DIP2B: variants seen among roughly 807,000 people sequenced by gnomAD.
DIP2B encodes the protein disco-interacting protein 2 homolog B.
In DIP2B, 76 loss-of-function variants were observed where a neutral mutation model predicts 198.0. The ratio of observed to expected loss-of-function variants is 0.38; its 90% CI spans 0.32 to 0.46. The LOEUF (loss-of-function observed/expected upper bound fraction) is 0.46. Among genes scored for constraint, DIP2B ranks in the 20% least tolerant of loss-of-function variants. The pLI, the probability that DIP2B is intolerant of heterozygous loss-of-function variation, is 0.99. For synonymous variants in DIP2B, 701 were observed against 739.1 expected (o/e 0.95, Z 0.84); for missense variants, 1,559 against 1,978.4 (o/e 0.79, Z 4.02).
At chr12:50,639,243 G>T (rs531505579) in intron 2 of DIP2B, among the ~76,000 whole-genome samples, 1 of 151,910 alleles carries the variant, frequency 6.6e-6, no homozygotes, top group Admixed American at 6.6e-5. Context: ...GCGTGAATTT[G>T]GGCAGGGCTA....
intron 1 of DIP2B, among the ~76,000 whole-genome samples, chr12:50,554,924 C>A (rs750080483): frequency 6.6e-6 from 1 of 152,048 alleles, no homozygotes; most frequent in African/African-American, 2.4e-5. Flanking sequence ...CGCGCCACCA[C>A]GCCTGCCTAA....
At chr12:50,552,644 A>G (rs1239719003) in intron 1 of DIP2B, among the ~76,000 whole-genome samples, 1 of 152,136 alleles carries the variant, frequency 6.6e-6, no homozygotes, top group African/African-American at 2.4e-5. Flanking sequence ...TGGATGCACA[A>G]AAATTCTTAA....
chr12:50,535,575 T>G (rs1958256829), intron 1 of DIP2B, among the ~76,000 whole-genome samples: 1 of 151,954 alleles, frequency 6.6e-6, no homozygotes, highest in Admixed American at 6.6e-5. Flanking sequence ...TTCACCATAT[T>G]GGCCAGGCTG....
In DIP2B at chr12:50,718,999, T is replaced by C; in HGVS notation, c.3006T>C (p.Thr1002=). 6.2e-7 allele frequency: 1 copy of C among 1,614,218 alleles called. No homozygotes were observed. The highest frequency in any genetic ancestry group is 8.5e-7 in the Non-Finnish European group (1 of 1,180,042). ...AEILQWRAQA[T]PDHVLFMLLN... is the part of the protein sequence containing the mutation. Reference sequence around the variant, plus strand: ...TCCTACAGTGGCGAGCCCAGGCGACTCCTGACCATGTACTCTTCATGCTGT... The same window carrying C: ...TCCTACAGTGGCGAGCCCAGGCGACCCCTGACCATGTACTCTTCATGCTGT... The change falls in exon 25 of 38, where the codon ACT becomes ACC. Residue 1002 remains threonine (T), a synonymous_variant. Coordinates refer to ENST00000301180, the MANE Select transcript of DIP2B (RefSeq NM_173602.3).
chr12:50,635,569 T>G (rs1938146148), intron 2 of DIP2B, among the ~76,000 whole-genome samples: 1 of 152,186 alleles, frequency 6.6e-6, no homozygotes, highest in Non-Finnish European at 1.5e-5. Flanking sequence ...GGCAGCTGCT[T>G]CGTGCTCCTT....
intron 1 of DIP2B, among the ~76,000 whole-genome samples, chr12:50,553,984 A>G (rs1309702492): frequency 1.3e-5 from 2 of 151,908 alleles, no homozygotes; most frequent in Non-Finnish European, 2.9e-5. Context: ...TTTTTACTGA[A>G]ATTTTATTTA....
intron 1 of DIP2B, among the ~76,000 whole-genome samples, chr12:50,507,458 A>C (rs1957977848): frequency 6.6e-6 from 1 of 152,210 alleles, no homozygotes; most frequent in Non-Finnish European, 1.5e-5. Context: ...TGCCTGTAGC[A>C]TATTTGGAGC....
At chr12:50,625,836 A>C in intron 1 of DIP2B, 140 bp from the exon 2 acceptor site, 1 of 805,806 alleles carries the variant, frequency 1.2e-6, no homozygotes, top group Non-Finnish European at 2.0e-6. Context: ...AATCCTTGGC[A>C]AAGAACCATA....
At chr12:50,585,588 G>C (rs1331896716) in intron 1 of DIP2B, among the ~76,000 whole-genome samples, 2 of 152,198 alleles carry the variant, frequency 1.3e-5, no homozygotes, top group Non-Finnish European at 2.9e-5. Context: ...TAGGTCAGTA[G>C]GTATGTGGCC....
At chr12:50,672,479 C>T (rs552215148) in intron 5 of DIP2B, among the ~76,000 whole-genome samples, 1 of 152,288 alleles carries the variant, frequency 6.6e-6, no homozygotes, top group East Asian at 1.9e-4. Flanking sequence ...CTAAAAGAGA[C>T]CAGTATTACT....
Position 50,505,001 on chromosome 12 carries a change from TGGCGGCGGC to T in DIP2B, c.-125_-117del, listed in dbSNP as rs574938327. The T allele has an allele frequency of 1.9e-4, 125 of 651,324 alleles. 6 individuals carry two copies. Among genetic ancestry groups the T allele is most frequent in the Admixed American group, 4.0e-4 (15 of 37,638 alleles). The allele number at this position is 651,324 out of a possible 1,614,324, so 40.3% of individuals were successfully genotyped here. On this transcript the variant is annotated 5_prime_UTR_variant, in exon 1 of 38. Transcript: ENST00000301180. ...GTCGCGCTCACGTGACCTTTGCTCATGGCGGCGGCGGCGGCGGCGGCGGTGCTGGTGGTG... is the reference window on the plus strand; with the variant it reads ...GTCGCGCTCACGTGACCTTTGCTCATGGCGGCGGCGGCGGTGCTGGTGGTG...
At chr12:50,682,628 C>CAAAAAAAAA (rs58672851) in intron 9 of DIP2B, among the ~76,000 whole-genome samples, 1 of 42,132 alleles carries the variant, frequency 2.4e-5, no homozygotes, top group African/African-American at 9.6e-5. Context: ...GACTCTGTCT[C>CAAAAAAAAA]AAAAAAAAAA....
chr12:50,570,782 CAAAT>C (rs1356371111), intron 1 of DIP2B, among the ~76,000 whole-genome samples: 3 of 152,142 alleles, frequency 2.0e-5, no homozygotes, highest in African/African-American at 7.2e-5. Flanking sequence ...GATGCATAAA[CAAAT>C]AATTTTTTTT....
chr12:50,571,818 A>G (rs576314488), intron 1 of DIP2B, among the ~76,000 whole-genome samples: 1 of 152,236 alleles, frequency 6.6e-6, no homozygotes, highest in African/African-American at 2.4e-5. Flanking sequence ...TCGGCCTCCC[A>G]AAATGTGGGA....
At chr12:50,506,189 C>T (rs1957967045) in intron 1 of DIP2B, among the ~76,000 whole-genome samples, 1 of 152,110 alleles carries the variant, frequency 6.6e-6, no homozygotes. Flanking sequence ...TCACTGGCTG[C>T]CCCTGAGACA....
At chr12:50,536,845 A>G (rs1593588785) in intron 1 of DIP2B, among the ~76,000 whole-genome samples, 1 of 151,134 alleles carries the variant, frequency 6.6e-6, no homozygotes, top group African/African-American at 2.4e-5. Context: ...CTGGGATTAC[A>G]GGTGTGAGCC....
intron 3 of DIP2B, chr12:50,655,178 CAG>C: frequency 5.1e-6 from 1 of 196,104 alleles, no homozygotes. Context: ...GTGTACTATA[CAG>C]CTGTAAAAAA....
At chr12:50,512,645 C>T (rs553890827) in intron 1 of DIP2B, among the ~76,000 whole-genome samples, 1 of 152,042 alleles carries the variant, frequency 6.6e-6, no homozygotes. Context: ...CTGTCTGTAC[C>T]ATTTATTAGC....
chr12:50,589,986 C>T (rs1264620857), intron 1 of DIP2B, among the ~76,000 whole-genome samples: 1 of 150,182 alleles, frequency 6.7e-6, no homozygotes, highest in Admixed American at 6.8e-5. Flanking sequence ...TTTCCTGTTT[C>T]TCTCTCTCTC....
Sources: gnomAD v4.1 joint callset for allele counts (sites outside exome capture counted in the v4.1 genomes callset) on GRCh38, gnomAD v4.1.1 for gene constraint, MANE v1.5 for transcripts, NCBI Gene and HGNC (gene_info 2026-07-23, HGNC 2026-07-21) for gene names.